The following CAT variants were observed in gnomAD, a reference collection of about 807,000 sequenced individuals.
CAT encodes catalase.
A neutral mutation model predicts 59.0 loss-of-function variants in CAT; 43 were observed. The ratio of observed to expected loss-of-function variants is 0.73; its 90% CI spans 0.57 to 0.94. CAT has a LOEUF of 0.94. CAT is among the 40% of genes least tolerant of loss of function. CAT has a pLI of 0.00. For missense variants in CAT, 664 were observed against 682.9 expected (o/e 0.97, Z 0.31); for synonymous variants, 218 against 230.9 (o/e 0.94, Z 0.51).
Position 34,461,249 on chromosome 11 carries a change from A to C in CAT, c.1057-2A>C, listed in dbSNP as rs916309338. The C allele has an allele frequency of 1.4e-5, 22 of 1,614,042 alleles. No individual in the cohort carries two copies. Among genetic ancestry groups the C allele is most frequent in the Non-Finnish European group, 1.8e-5 (21 of 1,179,978 alleles). On this transcript the variant is annotated splice_acceptor_variant, in intron 8 of 12. Transcript: ENST00000241052. LOFTEE classifies it high-confidence loss of function. Reference sequence around the variant, plus strand: ...CAGTGTCTATTGTATTTATTACTGCAGGGCCGCCTTTTTGCCTATCCTGAC... The same window carrying C: ...CAGTGTCTATTGTATTTATTACTGCCGGGCCGCCTTTTTGCCTATCCTGAC...
chr11:34,464,631 G>A (rs1307277404), intron 10 of CAT, among the ~76,000 whole-genome samples: 3 of 151,906 alleles, frequency 2.0e-5, no homozygotes, highest in East Asian at 3.9e-4. Context: ...CAGGAGCCTC[G>A]GCCACAAGAG....
intron 1 of CAT, among the ~76,000 whole-genome samples, chr11:34,446,394 G>A (rs576180506): frequency 1.3e-4 from 20 of 152,326 alleles, no homozygotes; most frequent in African/African-American, 4.8e-4. Context: ...CAGGATTGAT[G>A]TTAAGGAGGG....
intron 1 of CAT, among the ~76,000 whole-genome samples, chr11:34,445,918 G>A (rs1725188981): frequency 6.6e-6 from 1 of 152,090 alleles, no homozygotes; most frequent in African/African-American, 2.4e-5. Context: ...TTGTAGTATC[G>A]CCCATTAAAT....
chr11:34,438,986 C>T lies in CAT; in HGVS notation c.-28C>T, dbSNP rs1856350063. 1.3e-6 allele frequency: 2 copies of T among 1,566,024 alleles called. No homozygotes were observed. The highest frequency in any genetic ancestry group is 1.2e-5 in the South Asian group (1 of 85,882). On this transcript the variant is annotated 5_prime_UTR_variant, in exon 1 of 13. Transcript: ENST00000241052. ...GAGACCCACGAGCCGAGGCCTCCTGCAGTGTTCTGCACAGCAAACCGCACG... is the reference window on the plus strand; with the variant it reads ...GAGACCCACGAGCCGAGGCCTCCTGTAGTGTTCTGCACAGCAAACCGCACG...
intron 9 of CAT, among the ~76,000 whole-genome samples, 154 bp from the exon 10 acceptor site, chr11:34,463,951 A>G (rs138240698): frequency 6.6e-6 from 1 of 152,338 alleles, no homozygotes; most frequent in Non-Finnish European, 1.5e-5. Flanking sequence ...AATGCGGGAA[A>G]TTAAAAATAA....
chr11:34,470,934 G>T (rs1308269679), intron 11 of CAT, 24 bp from the exon 12 acceptor site: 1 of 1,585,666 alleles, frequency 6.3e-7, no homozygotes, highest in Non-Finnish European at 8.7e-7. Flanking sequence ...AGTAATGCTT[G>T]CATTTATTTT....
chr11:34,459,851 G>A (rs921322132), intron 8 of CAT, among the ~76,000 whole-genome samples: 3 of 152,240 alleles, frequency 2.0e-5, no homozygotes, highest in African/African-American at 7.2e-5. Context: ...AACTTTTTGA[G>A]CCAAAGGAGA....
chr11:34,442,179 G>C (rs1426031266), intron 1 of CAT, among the ~76,000 whole-genome samples: 2 of 152,110 alleles, frequency 1.3e-5, no homozygotes, highest in Admixed American at 6.5e-5. Context: ...CAAATTTTCT[G>C]TCTTTTTAAA....
intron 4 of CAT, among the ~76,000 whole-genome samples, 181 bp from the exon 5 acceptor site, chr11:34,452,909 G>C (rs1856543799): frequency 1.3e-5 from 2 of 151,818 alleles, no homozygotes; most frequent in African/African-American, 2.4e-5. Context: ...ATACTTTAGG[G>C]TATCTTAGAT....
At position 34,439,074 on chromosome 11, in the gene CAT, G is replaced by A. The variant is rs1279033608; in HGVS notation, c.61G>A (p.Ala21Thr). The change falls in exon 1 of 13, where the codon GCG (alanine) becomes ACG (threonine). Residue 21 changes from alanine (A) to threonine (T), a missense_variant. Ala to Thr is a moderately conservative substitution (Grantham distance 58, BLOSUM62 0). Coordinates refer to ENST00000241052, the MANE Select transcript of CAT (RefSeq NM_001752.4). ...GCAGCACTGGAAGGAGCAGCGGGCC[G>A]CGCAGGTACACTCTGTGCTCCCCGA... ...QMQHWKEQRA[A>T]QKADVLTTGA... The A allele has an allele frequency of 3.8e-6, 6 of 1,589,100 alleles. No individual in the cohort carries two copies. Among genetic ancestry groups the A allele is most frequent in the Non-Finnish European group, 5.1e-6 (6 of 1,167,848 alleles).
At chr11:34,446,844 C>T (rs774996777) in intron 1 of CAT, among the ~76,000 whole-genome samples, 2 of 151,780 alleles carry the variant, frequency 1.3e-5, no homozygotes, top group African/African-American at 2.4e-5. Flanking sequence ...TGGGTTCAAG[C>T]GATTCTCCTG....
At position 34,460,446 on chromosome 11, in the gene CAT, C is replaced by CTT. The variant is rs149180752; in HGVS notation, c.1057-781_1057-780dup. Among the ~76,000 whole-genome samples, 41 of 84,502 alleles carry CTT rather than the reference C, an allele frequency of 4.9e-4. 2 individuals are homozygous for CTT. The highest frequency in any genetic ancestry group is 1.2e-3 in the African/African-American group (21 of 17,952). The allele number at this position is 84,502 out of a possible 152,430, so 55.4% of individuals were successfully genotyped here. On this transcript the variant is annotated intron_variant, in intron 8 of 12. Transcript: ENST00000241052. ...GAAGGCAGCATGGGAGTGGGCGGTACTTTTTTTTTTTTTTTTTTTTTTTTT... is the reference window on the plus strand; with the variant it reads ...GAAGGCAGCATGGGAGTGGGCGGTACTTTTTTTTTTTTTTTTTTTTTTTTTTT...
intron 9 of CAT, 81 bp downstream of exon 9, chr11:34,461,470 C>T (rs1039916829): frequency 1.3e-6 from 2 of 1,528,192 alleles, no homozygotes; most frequent in African/African-American, 2.7e-5. Context: ...GCCAGTGGCT[C>T]TCAAGCTGGC....
intron 12 of CAT, 130 bp from the exon 13 acceptor site, chr11:34,471,238 G>A (rs1259245144): frequency 1.2e-5 from 11 of 898,852 alleles, no homozygotes; most frequent in Non-Finnish European, 1.8e-5. Flanking sequence ...TTAGCGCTGG[G>A]CAATTTAAGA....
chr11:34,456,608 A>G, intron 7 of CAT, 57 bp from the exon 8 acceptor site: 1 of 1,515,530 alleles, frequency 6.6e-7, no homozygotes, highest in Non-Finnish European at 9.2e-7. Context: ...TTTTGTGGGT[A>G]GCTTTGATTT....
intron 11 of CAT, among the ~76,000 whole-genome samples, chr11:34,469,911 C>G (rs1220787257): frequency 6.6e-6 from 1 of 152,132 alleles, no homozygotes; most frequent in Non-Finnish European, 1.5e-5. Flanking sequence ...GGTGATCCAC[C>G]CATCTTGGCC....
intron 8 of CAT, among the ~76,000 whole-genome samples, chr11:34,459,042 G>A (rs965730424): frequency 2.0e-5 from 3 of 151,716 alleles, no homozygotes; most frequent in East Asian, 1.9e-4. Flanking sequence ...GAAACTGTTC[G>A]AAAGAGCTTT....
intron 10 of CAT, among the ~76,000 whole-genome samples, chr11:34,465,756 C>A (rs1345022122): frequency 6.6e-6 from 1 of 152,166 alleles, no homozygotes; most frequent in Non-Finnish European, 1.5e-5. Context: ...TTCACTTGGG[C>A]TTGCATCTGT....
intron 9 of CAT, among the ~76,000 whole-genome samples, chr11:34,463,185 A>G (rs563426973): frequency 6.6e-6 from 1 of 152,346 alleles, no homozygotes; most frequent in East Asian, 1.9e-4. Context: ...GTGCTCGGGT[A>G]ATGAAAGCTT....
Sources: gnomAD v4.1 joint callset for allele counts (sites outside exome capture counted in the v4.1 genomes callset) on GRCh38, gnomAD v4.1.1 for gene constraint, MANE v1.5 for transcripts, NCBI Gene and HGNC (gene_info 2026-07-23, HGNC 2026-07-21) for gene names.